CLN8: variants seen among roughly 807,000 people sequenced by gnomAD.
CLN8 encodes the protein CLN8 transmembrane ER and ERGIC protein.
Under a neutral mutation model 15.7 loss-of-function variants are expected in CLN8, and 14 were observed. The ratio of observed to expected loss-of-function variants is 0.89; its 90% CI spans 0.59 to 1.39. The LOEUF is 1.39. Among genes scored for constraint, CLN8 ranks in the 40% most tolerant of loss-of-function variants. CLN8 has a pLI of 0.00. For synonymous variants in CLN8, 188 were observed against 151.0 expected, an observed-to-expected ratio of 1.25 and a Z score of -1.80; for missense variants, 415 against 364.0, an observed-to-expected ratio of 1.14 and a Z score of -1.14.
intron 1 of CLN8, among the ~76,000 whole-genome samples, chr8:1,767,555 A>G (rs1585131789): frequency 8.3e-6 from 1 of 119,978 alleles, no homozygotes. Context: ...GCTGCTCTGT[A>G]TGTTTCTTTC....
chr8:1,780,119 G>A (rs1296009563), intron 2 of CLN8, 131 bp from the exon 3 acceptor site: 2 of 1,537,910 alleles, frequency 1.3e-6, no homozygotes, highest in African/African-American at 1.4e-5. Context: ...GAGCCCTGGG[G>A]AGGAAATTCT....
intron 2 of CLN8, among the ~76,000 whole-genome samples, chr8:1,776,621 T>C (rs1429717419): frequency 6.6e-6 from 1 of 152,242 alleles, no homozygotes; most frequent in African/African-American, 2.4e-5. Context: ...AGAAGGAGCA[T>C]TGTCTTTCCT....
In CLN8 at chr8:1,785,138, G is replaced by A. The variant is rs549509252; in HGVS notation, c.*4571G>A. ...ACGCAGACAGAAGCGGAGGGGCTCC[G>A]TCGCTCTGCCCTCACGCCGCTGAAC... On this transcript the variant is annotated 3_prime_UTR_variant, in exon 3 of 3. Coordinates refer to ENST00000331222, the MANE Select transcript of CLN8 (RefSeq NM_018941.4). 28 of 159,318 alleles carry A rather than the reference G, an allele frequency of 1.8e-4. 1 individual carries two copies. The East Asian group carries it at 4.5e-3, about 25-fold the overall frequency. 9.9% of individuals were successfully genotyped at this position (159,318 alleles called of 1,614,324 possible). A position where few individuals can be genotyped will look rare whatever the true frequency, so the allele number is the denominator to read the frequency against.
chr8:1,758,584 G>C (rs542854082), intron 1 of CLN8: 18 of 152,274 alleles, frequency 1.2e-4, no homozygotes, highest in African/African-American at 3.6e-4. Flanking sequence ...TTCAAAATTC[G>C]GCTTTGTCAT....
intron 1 of CLN8, among the ~76,000 whole-genome samples, chr8:1,766,519 A>G (rs1801064483): frequency 6.6e-6 from 1 of 151,560 alleles, no homozygotes; most frequent in Non-Finnish European, 1.5e-5. Context: ...CCTCCCGAGT[A>G]GCTGGGACTA....
At chr8:1,775,262 A>G (rs1801465546) in intron 2 of CLN8, among the ~76,000 whole-genome samples, 1 of 152,202 alleles carries the variant, frequency 6.6e-6, no homozygotes, top group African/African-American at 2.4e-5. Flanking sequence ...CAGTGTGCTT[A>G]GGTTATATGC....
rs569083734 is a variant in CLN8 at position 1,772,638 on chromosome 8, G to T, written c.543+1041G>T. Among the ~76,000 whole-genome samples the T allele has an allele frequency of 8.2e-4, 124 of 151,790 alleles. 5 individuals carry two copies. In the South Asian group the frequency reaches 0.025, roughly 31 times the overall value. On this transcript the variant is annotated intron_variant, in intron 2 of 2. Coordinates refer to ENST00000331222, the MANE Select transcript of CLN8 (RefSeq NM_018941.4). The stretch of plus-strand genomic sequence containing the variant: ...ACGCCTAGCTAATTTGTGTGTGTGT[G>T]TGTGTGTGTGTGTGTATTTTTAGTA...
chr8:1,763,806 A>G lies in CLN8; in HGVS notation c.-203A>G, dbSNP rs1441872702. ...GGCCGGCCAGTCGTGACTGGGCGGCAATGAGGTCAGTGACTGCCGGGAGTC... is the reference window on the plus strand; with the variant it reads ...GGCCGGCCAGTCGTGACTGGGCGGCGATGAGGTCAGTGACTGCCGGGAGTC... On this transcript the variant is annotated 5_prime_UTR_variant, in exon 1 of 3. Transcript: ENST00000331222. 1 of 150,366 alleles carries G rather than the reference A, an allele frequency of 6.7e-6. No homozygotes were observed. Among genetic ancestry groups the G allele is most frequent in the African/African-American group, 2.4e-5 (1 of 40,880 alleles). 9.3% of individuals were successfully genotyped at this position (150,366 alleles called of 1,614,324 possible).
chr8:1,779,504 C>G (rs1430170264), intron 2 of CLN8, among the ~76,000 whole-genome samples: 6 of 152,230 alleles, frequency 3.9e-5, no homozygotes, highest in Non-Finnish European at 1.5e-5. Context: ...TTCGGCCTCC[C>G]AAAGTGCTGG....
At chr8:1,760,022 T>C (rs1004342413), upstream of CLN8, 1 of 152,148 alleles carries the variant, frequency 6.6e-6, no homozygotes, top group Non-Finnish European at 1.5e-5. Flanking sequence ...TGAGCGTATA[T>C]TGCTTGTGTG....
chr8:1,780,667 T>G lies in CLN8; in HGVS notation c.*100T>G, dbSNP rs1205200058. On this transcript the variant is annotated 3_prime_UTR_variant, in exon 3 of 3. Transcript: ENST00000331222. ...TTGAATTAATGAGGCAGTGAATGTT[T>G]TGTGTTTACTTCTAAGGGAAATACT... 3 of 1,077,944 alleles carry G rather than the reference T, an allele frequency of 2.8e-6. No individual in the cohort carries two copies. In the African/African-American group the frequency reaches 4.7e-5, roughly 17 times the overall value. 66.8% of individuals were successfully genotyped at this position (1,077,944 alleles called of 1,614,324 possible).
In CLN8 at chr8:1,781,665, TTGAC is replaced by T. The variant is rs1801716345; in HGVS notation, c.*1102_*1105del. On this transcript the variant is annotated 3_prime_UTR_variant, in exon 3 of 3. Transcript: ENST00000331222. ...GTCTGGGTTTCAGAGCTGTTTTTAA[TTGAC>T]TGAGTTACCTACAGGCACCCAATCT... 6.6e-6 allele frequency: 1 copy of T among 152,178 alleles called. No homozygotes were observed. Among genetic ancestry groups the T allele is most frequent in the Non-Finnish European group, 1.5e-5 (1 of 68,026 alleles). The allele number at this position is 152,178 out of a possible 1,614,324, so 9.4% of individuals were successfully genotyped here.
chr8:1,778,917 C>T (rs1193473530), intron 2 of CLN8, among the ~76,000 whole-genome samples: 4 of 152,292 alleles, frequency 2.6e-5, no homozygotes, highest in South Asian at 2.1e-4. Context: ...TGCAGCCTCC[C>T]GAACATCATG....
chr8:1,762,541 TAGGGACTCA>T (rs1390352976), upstream of CLN8: 1 of 152,204 alleles, frequency 6.6e-6, no homozygotes, highest in Non-Finnish European at 1.5e-5. Flanking sequence ...TAGACAATCC[TAGGGACTCA>T]AGGCTTCAAC....
chr8:1,754,622 T>A (rs1017268613), upstream of CLN8, among the ~76,000 whole-genome samples: 2 of 152,216 alleles, frequency 1.3e-5, no homozygotes, highest in African/African-American at 4.8e-5. Flanking sequence ...CTTCAGCATC[T>A]AAAGCTGCTG....
At chr8:1,755,283 A>G (rs573987021), upstream of CLN8, among the ~76,000 whole-genome samples, 1 of 152,304 alleles carries the variant, frequency 6.6e-6, no homozygotes, top group East Asian at 1.9e-4. Context: ...TATGTCATGC[A>G]TTAAACTTTC....
upstream of CLN8, among the ~76,000 whole-genome samples, chr8:1,760,650 C>G (rs1202744739): frequency 1.3e-5 from 2 of 152,166 alleles, no homozygotes; most frequent in Non-Finnish European, 2.9e-5. Context: ...TCACTTCATT[C>G]TTTGTTAAGA....
At chr8:1,760,428 C>CG (rs1345853711), upstream of CLN8, 1 of 152,100 alleles carries the variant, frequency 6.6e-6, no homozygotes, top group Admixed American at 6.5e-5. Context: ...GGAATCCGCC[C>CG]GGGTTTCATT....
At chr8:1,753,581 A>AAAAG (rs1231830039), upstream of CLN8, among the ~76,000 whole-genome samples, 83 of 141,414 alleles carry the variant, frequency 5.9e-4, 1 homozygote, top group South Asian at 1.4e-3. Context: ...AAAAAAAAAA[A>AAAAG]AAAAGAAAGA....
Sources: gnomAD v4.1 joint callset for allele counts (sites outside exome capture counted in the v4.1 genomes callset) on GRCh38, gnomAD v4.1.1 for gene constraint, MANE v1.5 for transcripts, NCBI Gene and HGNC (gene_info 2026-07-23, HGNC 2026-07-21) for gene names.